Variants in SLC14A2 observed in about 807,000 individuals in gnomAD.
SLC14A2 encodes the protein urea transporter 2.
In SLC14A2, 91 loss-of-function variants were observed where a neutral mutation model predicts 104.6. That is an observed-to-expected ratio of 0.87 (90% CI 0.73 to 1.04). The LOEUF is 1.04. Ranked by LOEUF, SLC14A2 falls within the 50% of genes least tolerant of loss-of-function variation. SLC14A2 has a pLI of 0.00. For synonymous variants in SLC14A2, 476 were observed against 466.4 expected, an observed-to-expected ratio of 1.02 and a Z score of -0.27; for missense variants, 1,189 against 1,156.0, an observed-to-expected ratio of 1.03 and a Z score of -0.41.
At position 45,627,131 on chromosome 18, in the gene SLC14A2, G is replaced by T. The variant is rs752635125; in HGVS notation, c.505G>T (p.Ala169Ser). The T allele has an allele frequency of 1.2e-6, 2 of 1,614,126 alleles. No individual in the cohort carries two copies. Among genetic ancestry groups the T allele is most frequent in the Non-Finnish European group, 8.5e-7 (1 of 1,180,000 alleles). Residue 169 changes from alanine (A) to serine (S), a missense_variant, in exon 4 of 20, where the codon GCC becomes TCC. Coordinates refer to ENST00000255226, the MANE Select transcript of SLC14A2 (RefSeq NM_007163.4). ...AGTGGTCTCGACCTTAACAGCTCTC[G>T]CCTTGGGCCAAGACAGGTGGGTCCC... ...GTVVSTLTAL[A>S]LGQDRSAIAS...
At chr18:45,642,980 C>T in intron 8 of SLC14A2, 152 bp from the exon 9 acceptor site, 1 of 666,114 alleles carries the variant, frequency 1.5e-6, no homozygotes, top group South Asian at 1.8e-5. Context: ...GCCAGGCAAG[C>T]ATGCCAGCTG....
chr18:45,546,962 A>G (rs886247447), intron 2 of SLC14A2, among the ~76,000 whole-genome samples: 1 of 152,152 alleles, frequency 6.6e-6, no homozygotes, highest in African/African-American at 2.4e-5. Context: ...GAAACACATA[A>G]TCAAACCATG....
chr18:45,570,015 G>C (rs900091027), intron 2 of SLC14A2, among the ~76,000 whole-genome samples: 1 of 152,094 alleles, frequency 6.6e-6, no homozygotes, highest in African/African-American at 2.4e-5. Flanking sequence ...CAAAAATGAA[G>C]AAAAAATTGG....
At chr18:45,388,114 T>TC (rs2085920405) in intron 1 of SLC14A2, among the ~76,000 whole-genome samples, 1 of 126,536 alleles carries the variant, frequency 7.9e-6, no homozygotes, top group Non-Finnish European at 1.6e-5. Flanking sequence ...TCTCACTGTG[T>TC]GCCCAGGCTG....
chr18:45,175,656 A>G, the SLC14A2 span, among the ~76,000 whole-genome samples: 2 of 152,198 alleles, frequency 1.3e-5, no homozygotes, highest in Non-Finnish European at 2.9e-5. Flanking sequence ...ACTCAGGTTC[A>G]GTAAGTCACA....
At chr18:45,389,607 C>A (rs2085938583) in intron 1 of SLC14A2, among the ~76,000 whole-genome samples, 1 of 152,112 alleles carries the variant, frequency 6.6e-6, no homozygotes, top group Admixed American at 6.5e-5. Flanking sequence ...AATTTTCTAC[C>A]AAAGGTTCTT....
In SLC14A2 at chr18:45,625,814, A is replaced by C. The variant is rs1190260790; in HGVS notation, c.282A>C (p.Ala94=). The C allele has an allele frequency of 6.6e-7, 1 of 1,523,100 alleles. No homozygotes were observed. The highest frequency in any genetic ancestry group is 1.4e-5 in the African/African-American group (1 of 69,390). The allele number at this position is 1,523,100 out of a possible 1,614,324, so 94.3% of individuals were successfully genotyped here. The change falls in exon 3 of 20, where the codon GCA becomes GCC. Residue 94 remains alanine (A), a synonymous_variant. Transcript: ENST00000255226. ...AGQRCICLSK[A]VGYLTGDMKE... is the part of the protein sequence containing the mutation. ...AAAGGTGCATCTGCCTCTCCAAAGC[A>C]GTGGGCTACCTCACGGGCGACATGA... is the stretch of plus-strand genomic sequence containing the variant.
chr18:45,646,834 G>C (rs1198348428), intron 10 of SLC14A2: 1 of 152,126 alleles, frequency 6.6e-6, no homozygotes, highest in African/African-American at 2.4e-5. Context: ...TTGCATGGGG[G>C]CAGGCCATGA....
chr18:45,466,125 G>A (rs1400073362), intron 1 of SLC14A2, among the ~76,000 whole-genome samples: 1 of 152,142 alleles, frequency 6.6e-6, no homozygotes, highest in Non-Finnish European at 1.5e-5. Flanking sequence ...GAGCCCTGCA[G>A]CCTGATTCTA....
In SLC14A2 at chr18:45,235,981, A is replaced by G. The variant is rs375401484; in HGVS notation, c.-125+22790A>G. Among the ~76,000 whole-genome samples the G allele has an allele frequency of 4.0e-3, 256 of 63,428 alleles. 23 individuals are homozygous for G. Among genetic ancestry groups the G allele is most frequent in the Middle Eastern group, 0.023 (2 of 88 alleles). The allele number at this position is 63,428 out of a possible 152,430, so 41.6% of individuals were successfully genotyped here. ...TATGTATATATACATATATGTGTGT[A>G]TATATGTGTATATATACATATATGT... On this transcript the variant is annotated intron_variant, in intron 1 of 20. Transcript: ENST00000586448.
Position 45,505,069 on chromosome 18 carries a change from TAAAAG to T in SLC14A2, c.-35+21748_-35+21752del, listed in dbSNP as rs530793879. ...AGAAAGAGAGTTAGGAAAAGAAAAA[TAAAAG>T]TAAAGTGACTCTAGGATCAAAGGGA... On this transcript the variant is annotated intron_variant, in intron 2 of 20. Coordinates refer to the SLC14A2 transcript ENST00000586448. 2.9e-3 allele frequency among the ~76,000 whole-genome samples: 448 copies of T among 151,918 alleles called. 2 individuals carry two copies. Among genetic ancestry groups the T allele is most frequent in the Non-Finnish European group, 4.3e-3 (290 of 67,948 alleles).
chr18:45,672,969 T>C lies in SLC14A2; in HGVS notation c.2299T>C (p.Phe767Leu). ...GCDNPWTGGI[F>L]LIALFISSPL... ...TGATAACCCCTGGACTGGAGGCATC[T>C]TCCTCATAGCTCTGTTCATATCCTC... The change falls in exon 17 of 20, where the codon TTC becomes CTC. Residue 767 changes from phenylalanine (F) to leucine (L), a missense_variant. Transcript: ENST00000255226. The C allele has an allele frequency of 6.2e-7, 1 of 1,614,202 alleles. No individual in the cohort carries two copies. The highest frequency in any genetic ancestry group is 1.3e-5 in the African/African-American group (1 of 75,068).
intron 1 of SLC14A2, among the ~76,000 whole-genome samples, chr18:45,368,713 C>T (rs912998471): frequency 2.0e-5 from 3 of 152,268 alleles, no homozygotes; most frequent in Non-Finnish European, 4.4e-5. Flanking sequence ...CAAGTGGAGA[C>T]GAAAGGGCTC....
chr18:45,275,284 A>G (rs1291721866), intron 1 of SLC14A2, among the ~76,000 whole-genome samples: 1 of 152,238 alleles, frequency 6.6e-6, no homozygotes, highest in Non-Finnish European at 1.5e-5. Flanking sequence ...TATCTCCACT[A>G]CATTGGAAAA....
At chr18:45,305,485 A>T (rs560628316) in intron 1 of SLC14A2, among the ~76,000 whole-genome samples, 1 of 152,124 alleles carries the variant, frequency 6.6e-6, no homozygotes, top group South Asian at 2.1e-4. Context: ...GATGGGTTTT[A>T]TTATTAATAT....
Position 45,322,037 on chromosome 18 carries a change from G to A in SLC14A2, c.-125+108846G>A, listed in dbSNP as rs73952851. ...AGGATTACTCTGATCTGTCAGTGAC[G>A]TTTTTGATGGCAGAACACATATTTA... On this transcript the variant is annotated intron_variant, in intron 1 of 20. Transcript: ENST00000586448. Among the ~76,000 whole-genome samples, 48 of 152,280 alleles carry A rather than the reference G, an allele frequency of 3.2e-4. 1 individual carries two copies. Among genetic ancestry groups the A allele is most frequent in the African/African-American group, 1.0e-3 (43 of 41,572 alleles).
rs140884989 is a variant in SLC14A2 at position 45,297,997 on chromosome 18, T to G, written c.-125+84806T>G. Among the ~76,000 whole-genome samples the G allele has an allele frequency of 2.0e-3, 311 of 152,324 alleles. 2 individuals carry two copies. The highest frequency in any genetic ancestry group is 7.3e-3 in the African/African-American group (304 of 41,578). ...TAAAGACAAAGAGGCATTTTAAACT[T>G]TATGCCTGTGTCTCCATTTTAAAAG... On this transcript the variant is annotated intron_variant, in intron 1 of 20. Coordinates refer to the SLC14A2 transcript ENST00000586448.
chr18:45,511,393 G>T (rs1160022379), intron 2 of SLC14A2, among the ~76,000 whole-genome samples: 1 of 152,142 alleles, frequency 6.6e-6, no homozygotes, highest in African/African-American at 2.4e-5. Context: ...TCACTCAGGA[G>T]TGGATCCTTT....
At chr18:45,625,286 A>C (rs2044859805) in intron 2 of SLC14A2, among the ~76,000 whole-genome samples, 1 of 152,214 alleles carries the variant, frequency 6.6e-6, no homozygotes. Context: ...TTGAAATTAC[A>C]GAAGGTATTG....
Sources: gnomAD v4.1 joint callset for allele counts (sites outside exome capture counted in the v4.1 genomes callset) on GRCh38, gnomAD v4.1.1 for gene constraint, MANE v1.5 for transcripts, NCBI Gene and HGNC (gene_info 2026-07-23, HGNC 2026-07-21) for gene names.